ZNF385B: variants seen among roughly 807,000 people sequenced by gnomAD.
ZNF385B encodes the protein zinc finger protein 533.
Under a neutral mutation model 39.2 loss-of-function variants are expected in ZNF385B, and 23 were observed. That is an observed-to-expected ratio of 0.59 (90% CI 0.42 to 0.83). ZNF385B has a LOEUF of 0.83. Among genes scored for constraint, ZNF385B ranks in the 40% least tolerant of loss-of-function variants. The pLI is 0.00. For missense variants in ZNF385B, 552 were observed against 598.9 expected (o/e 0.92, Z 0.82); for synonymous variants, 205 against 222.6 (o/e 0.92, Z 0.70).
chr2:179,627,962 C>T (rs750052761), intron 3 of ZNF385B, among the ~76,000 whole-genome samples: 5 of 152,146 alleles, frequency 3.3e-5, no homozygotes, highest in African/African-American at 4.8e-5. Context: ...TAGAAATCCT[C>T]ATGCCTCTGT....
At chr2:179,742,121 T>A (rs1702123245) in intron 3 of ZNF385B, among the ~76,000 whole-genome samples, 1 of 152,162 alleles carries the variant, frequency 6.6e-6, no homozygotes, top group Non-Finnish European at 1.5e-5. Context: ...ACTTATTTAA[T>A]GTGCTGCCTT....
rs11890986 is a variant in ZNF385B at position 179,586,961 on chromosome 2, C to T, written c.299-41992G>A. On this transcript the variant is annotated intron_variant, in intron 3 of 9. Transcript: ENST00000410066. ...GGCTGAGGCAGAAGAACTGCTTGAA[C>T]CTGGGAGGTGGAGGTTGTAGTGAGC... Among the ~76,000 whole-genome samples the T allele has an allele frequency of 2.1e-3, 322 of 152,252 alleles. 1 individual carries two copies. Among genetic ancestry groups the T allele is most frequent in the African/African-American group, 7.4e-3 (307 of 41,554 alleles).
intron 3 of ZNF385B, among the ~76,000 whole-genome samples, chr2:179,698,034 C>T (rs148951346): frequency 1.8e-3 from 276 of 152,094 alleles, no homozygotes; most frequent in African/African-American, 6.4e-3. Context: ...TACACCAGGG[C>T]CTGTCGTGGA....
At chr2:179,785,368 T>A (rs1217465595) in intron 1 of ZNF385B, among the ~76,000 whole-genome samples, 1 of 152,140 alleles carries the variant, frequency 6.6e-6, no homozygotes, top group South Asian at 2.1e-4. Context: ...ATAAAATTTT[T>A]AAAATCTATA....
At chr2:179,475,457 G>C (rs2053307193) in intron 6 of ZNF385B, among the ~76,000 whole-genome samples, 1 of 151,552 alleles carries the variant, frequency 6.6e-6, no homozygotes, top group Non-Finnish European at 1.5e-5. Flanking sequence ...TCACCACATT[G>C]GCCAGGCTGG....
At chr2:179,672,608 T>C (rs1696173388) in intron 3 of ZNF385B, among the ~76,000 whole-genome samples, 1 of 152,144 alleles carries the variant, frequency 6.6e-6, no homozygotes, top group South Asian at 2.1e-4. Context: ...GTGAGGCCTT[T>C]GGGAGACATC....
intron 4 of ZNF385B, among the ~76,000 whole-genome samples, chr2:179,537,127 A>G (rs913804428): frequency 1.3e-5 from 2 of 151,702 alleles, no homozygotes; most frequent in Admixed American, 6.6e-5. Flanking sequence ...CCTGATGAAC[A>G]TGGAGAAACC....
chr2:179,489,022 G>C (rs1405122226), intron 5 of ZNF385B, among the ~76,000 whole-genome samples: 1 of 152,160 alleles, frequency 6.6e-6, no homozygotes, highest in Non-Finnish European at 1.5e-5. Flanking sequence ...TATAAAATGG[G>C]AGGTACCAAG....
Position 179,451,621 on chromosome 2 carries a change from G to A in ZNF385B, c.716-4851C>T, listed in dbSNP as rs1219190733. Among the ~76,000 whole-genome samples the A allele has an allele frequency of 3.3e-5, 5 of 152,106 alleles. No homozygotes were observed. The East Asian group carries it at 9.7e-4, about 29-fold the overall frequency. On this transcript the variant is annotated intron_variant, in intron 6 of 9. Transcript: ENST00000410066. ...ATCTTTGAGAATATTAAGGAAAAAT[G>A]TTGACTTTGGAAATGTGTAAATGAT...
intron 3 of ZNF385B, among the ~76,000 whole-genome samples, chr2:179,716,887 G>A (rs544293028): frequency 1.3e-5 from 2 of 152,326 alleles, no homozygotes; most frequent in East Asian, 3.9e-4. Flanking sequence ...AAAACAGAGA[G>A]ACATCCAGCT....
chr2:179,642,815 G>C (rs908473589), intron 3 of ZNF385B, among the ~76,000 whole-genome samples: 2 of 152,128 alleles, frequency 1.3e-5, no homozygotes, highest in Admixed American at 1.3e-4. Flanking sequence ...CTTGGATAAA[G>C]TAGTAAAAAT....
intron 6 of ZNF385B, among the ~76,000 whole-genome samples, chr2:179,481,318 C>A (rs558692296): frequency 6.6e-6 from 1 of 151,746 alleles, no homozygotes; most frequent in Non-Finnish European, 1.5e-5. Context: ...AACTATAATC[C>A]GGGCCCCTTT....
chr2:179,810,872 C>T (rs77150333), intron 1 of ZNF385B, among the ~76,000 whole-genome samples: 1 of 152,000 alleles, frequency 6.6e-6, no homozygotes, highest in African/African-American at 2.4e-5. Flanking sequence ...CAAACTGTCC[C>T]TCCTCACTGA....
intron 3 of ZNF385B, among the ~76,000 whole-genome samples, chr2:179,603,567 A>G (rs1033119471): frequency 1.3e-5 from 2 of 152,202 alleles, no homozygotes; most frequent in African/African-American, 2.4e-5. Context: ...GGAGACTGGC[A>G]TAATCACAGT....
intron 6 of ZNF385B, 122 bp downstream of exon 6, chr2:179,483,148 CAT>C (rs950030223): frequency 1.9e-6 from 2 of 1,064,976 alleles, no homozygotes; most frequent in African/African-American, 1.6e-5. Context: ...GTGAAGAAAA[CAT>C]ATTAATATCA....
chr2:179,598,001 T>TA (rs1688126802), intron 3 of ZNF385B, among the ~76,000 whole-genome samples: 1 of 152,076 alleles, frequency 6.6e-6, no homozygotes, highest in African/African-American at 2.4e-5. Context: ...TTAGCAAGAA[T>TA]AAAAAAAGAT....
At chr2:179,648,984 G>A (rs750771407) in intron 3 of ZNF385B, among the ~76,000 whole-genome samples, 6 of 152,134 alleles carry the variant, frequency 3.9e-5, no homozygotes, top group Non-Finnish European at 7.4e-5. Flanking sequence ...GAAAAGCCTG[G>A]AAAATATGAG....
intron 3 of ZNF385B, among the ~76,000 whole-genome samples, chr2:179,556,143 T>A (rs1432524030): frequency 6.8e-6 from 1 of 148,112 alleles, no homozygotes; most frequent in Non-Finnish European, 1.5e-5. Context: ...AGCCAAGTGG[T>A]GATTCATTTA....
At chr2:179,620,833 C>T (rs564814598) in intron 3 of ZNF385B, among the ~76,000 whole-genome samples, 38 of 152,240 alleles carry the variant, frequency 2.5e-4, no homozygotes, top group Non-Finnish European at 4.4e-4. Context: ...CTCTGTGCTT[C>T]AGTTTGCATT....
Sources: gnomAD v4.1 joint callset for allele counts (sites outside exome capture counted in the v4.1 genomes callset) on GRCh38, gnomAD v4.1.1 for gene constraint, MANE v1.5 for transcripts, NCBI Gene and HGNC (gene_info 2026-07-23, HGNC 2026-07-21) for gene names.